Variants in RBFOX1 observed in about 807,000 individuals in gnomAD.
RBFOX1 encodes the protein RNA binding fox-1 homolog 1, also known as RNA binding protein fox-1 homolog 1.
RBFOX1 carries 8 observed loss-of-function variants against 57.7 expected under a neutral mutation model. The ratio of observed to expected loss-of-function variants is 0.14; its 90% CI spans 0.08 to 0.25. The LOEUF (loss-of-function observed/expected upper bound fraction) is 0.25, where lower values mean the gene tolerates loss of function less well. Ranked by LOEUF, RBFOX1 falls within the 10% of genes least tolerant of loss-of-function variation. The pLI, the probability that RBFOX1 is intolerant of heterozygous loss-of-function variation, is 1.00. For missense variants in RBFOX1, 611 were observed against 548.5 expected (o/e 1.11, Z -1.14); for synonymous variants, 326 against 222.4 (o/e 1.47, Z -4.15).
chr16:5,775,650 G>A (rs150681456), intron 3 of RBFOX1, among the ~76,000 whole-genome samples: 9 of 152,170 alleles, frequency 5.9e-5, no homozygotes, highest in Admixed American at 1.3e-4. Flanking sequence ...CATGGCCTCA[G>A]TGCCACTTCA....
chr16:5,739,995 G>C (rs1279357938), intron 3 of RBFOX1, among the ~76,000 whole-genome samples: 1 of 152,234 alleles, frequency 6.6e-6, no homozygotes, highest in East Asian at 1.9e-4. Flanking sequence ...GGATCAGTGT[G>C]GCCAGCAGTG....
chr16:5,317,062 T>C (rs7189355), intron 1 of RBFOX1, among the ~76,000 whole-genome samples: 1 of 152,184 alleles, frequency 6.6e-6, no homozygotes, highest in African/African-American at 2.4e-5. Context: ...GATAGCCTCC[T>C]GGGCTCTCAG....
chr16:6,141,552 AT>A (rs958312510), intron 1 of RBFOX1, among the ~76,000 whole-genome samples: 1 of 151,954 alleles, frequency 6.6e-6, no homozygotes, highest in Admixed American at 6.5e-5. Flanking sequence ...TTCCTACATC[AT>A]TTTTGTGACT....
chr16:7,521,141 G>T (rs1002201353), intron 5 of RBFOX1, among the ~76,000 whole-genome samples: 3 of 152,138 alleles, frequency 2.0e-5, no homozygotes, highest in Non-Finnish European at 4.4e-5. Context: ...TGCTTAAGGT[G>T]GTAAGACAAA....
chr16:5,731,635 G>A (rs2052377696), intron 3 of RBFOX1, among the ~76,000 whole-genome samples: 1 of 152,168 alleles, frequency 6.6e-6, no homozygotes, highest in Non-Finnish European at 1.5e-5. Context: ...TAGAGGCAAG[G>A]TGATATTTTT....
chr16:6,318,477 G>C (rs372811899), intron 2 of RBFOX1, among the ~76,000 whole-genome samples: 3 of 152,126 alleles, frequency 2.0e-5, no homozygotes, highest in Non-Finnish European at 4.4e-5. Flanking sequence ...AGATGCCTTT[G>C]TTGGTGCTTG....
At chr16:6,874,423 C>G (rs1430866723) in intron 3 of RBFOX1, among the ~76,000 whole-genome samples, 4 of 143,542 alleles carry the variant, frequency 2.8e-5, no homozygotes, top group Non-Finnish European at 6.0e-5. Context: ...GGCAGGAGAA[C>G]TGCTTGAATC....
At chr16:6,057,087 A>AG (rs35622209) in intron 1 of RBFOX1, 3 of 76,010 alleles carry the variant, frequency 3.9e-5, no homozygotes. Context: ...GAGGGGGGGG[A>AG]ATATTGCAAT....
At chr16:7,487,221 G>T (rs983160976) in intron 4 of RBFOX1, among the ~76,000 whole-genome samples, 44 of 152,122 alleles carry the variant, frequency 2.9e-4, no homozygotes, top group African/African-American at 1.0e-3. Flanking sequence ...ATTTGAACTT[G>T]CAGTTCCCAC....
At chr16:5,328,758 C>T (rs1213246397) in intron 1 of RBFOX1, among the ~76,000 whole-genome samples, 1 of 152,204 alleles carries the variant, frequency 6.6e-6, no homozygotes, top group Non-Finnish European at 1.5e-5. Flanking sequence ...CCAAAAGTGG[C>T]CATCCGATTC....
chr16:7,402,468 G>A (rs989634637), intron 4 of RBFOX1, among the ~76,000 whole-genome samples: 4 of 152,176 alleles, frequency 2.6e-5, no homozygotes, highest in African/African-American at 9.7e-5. Flanking sequence ...TCTTGCATTT[G>A]AGAATTTCTG....
intron 4 of RBFOX1, among the ~76,000 whole-genome samples, chr16:7,482,674 C>T (rs2064301213): frequency 6.8e-6 from 1 of 147,908 alleles, no homozygotes; most frequent in South Asian, 2.2e-4. Context: ...CATTTCTTAT[C>T]AGGGAGAGGC....
intron 4 of RBFOX1, among the ~76,000 whole-genome samples, chr16:7,054,000 C>G (rs777774224): frequency 3.3e-5 from 5 of 151,954 alleles, no homozygotes; most frequent in Non-Finnish European, 7.4e-5. Context: ...ACTTAGGCGT[C>G]TAGTTCCCTC....
intron 4 of RBFOX1, among the ~76,000 whole-genome samples, chr16:7,134,002 C>G (rs2071230240): frequency 6.6e-6 from 1 of 152,146 alleles, no homozygotes; most frequent in Non-Finnish European, 1.5e-5. Flanking sequence ...CTAAGCCTTG[C>G]AATATTTGAA....
intron 1 of RBFOX1, among the ~76,000 whole-genome samples, chr16:6,116,912 G>A (rs963576635): frequency 2.0e-5 from 3 of 152,166 alleles, no homozygotes; most frequent in African/African-American, 7.2e-5. Flanking sequence ...GGGAGACAGA[G>A]GGAGAGAGAT....
intron 1 of RBFOX1, among the ~76,000 whole-genome samples, chr16:6,023,963 G>T (rs895837862): frequency 3.3e-5 from 5 of 152,188 alleles, no homozygotes; most frequent in African/African-American, 1.2e-4. Context: ...AGCACTTTCA[G>T]ATGATGTCAA....
At chr16:7,096,025 A>AAG (rs1555467708) in intron 4 of RBFOX1, among the ~76,000 whole-genome samples, 3 of 148,546 alleles carry the variant, frequency 2.0e-5, no homozygotes, top group African/African-American at 7.5e-5. Flanking sequence ...AAAAAAAAAA[A>AAG]AAAAGAAAAG....
At chr16:5,432,032 T>G (rs1028447017) in intron 1 of RBFOX1, among the ~76,000 whole-genome samples, 22 of 152,046 alleles carry the variant, frequency 1.4e-4, no homozygotes, top group African/African-American at 5.1e-4. Flanking sequence ...TGGCCACAGT[T>G]GGTTCTCTCC....
chr16:6,658,935 TG>T (rs1322922079), intron 3 of RBFOX1, among the ~76,000 whole-genome samples: 3 of 134,208 alleles, frequency 2.2e-5, no homozygotes, highest in Admixed American at 7.6e-5. Flanking sequence ...TTGGTTTTTT[TG>T]TTTTTTTTGT....
Sources: allele counts gnomAD v4.1 joint callset (sites outside exome capture counted in the v4.1 genomes callset), GRCh38; gene constraint gnomAD v4.1.1; transcripts MANE v1.5; gene names NCBI Gene and HGNC (gene_info 2026-07-23, HGNC 2026-07-21).